Variants in CCDC102B observed in about 807,000 individuals in gnomAD.
CCDC102B encodes coiled-coil domain containing 102B.
In CCDC102B, 75 loss-of-function variants were observed where a neutral mutation model predicts 57.4. That is an observed-to-expected ratio of 1.31 (90% CI 1.08 to 1.58). The LOEUF (loss-of-function observed/expected upper bound fraction) is 1.58. Ranked by LOEUF, CCDC102B falls within the 40% of genes most tolerant of loss-of-function variation. CCDC102B has a pLI of 0.00. For missense variants in CCDC102B, 636 were observed against 582.6 expected (o/e 1.09, Z -0.94); for synonymous variants, 206 against 201.9 (o/e 1.02, Z -0.17).
Position 69,054,242 on chromosome 18 carries a change from T to A in CCDC102B, c.*105T>A. 1.4e-6 allele frequency: 2 copies of A among 1,380,374 alleles called. No homozygotes were observed. Among genetic ancestry groups the A allele is most frequent in the Middle Eastern group, 2.6e-4 (1 of 3,912 alleles). 85.5% of individuals were successfully genotyped at this position (1,380,374 alleles called of 1,614,324 possible). A position where few individuals can be genotyped will look rare whatever the true frequency, so the allele number is the denominator to read the frequency against. ...TGTTTTTATTAACTAGAAATATTAA[T>A]GAAAAAAACGTAGACAATACACAAA... On this transcript the variant is annotated 3_prime_UTR_variant, in exon 8 of 8. Coordinates refer to ENST00000360242, the MANE Select transcript of CCDC102B (RefSeq NM_024781.3).
At chr18:68,896,892 C>T (rs2040261585) in intron 5 of CCDC102B, among the ~76,000 whole-genome samples, 1 of 151,956 alleles carries the variant, frequency 6.6e-6, no homozygotes, top group Non-Finnish European at 1.5e-5. Context: ...GTCTTCTCCA[C>T]TGAGAATGTT....
chr18:68,837,389 A>T lies in CCDC102B; in HGVS notation c.606+20A>T, dbSNP rs377703135. On this transcript the variant is annotated intron_variant, in intron 2 of 7. Transcript: ENST00000360242. ...AATAAGGTAAGAAAAAAATCCAGAG[A>T]TGATGTGAATTTCTGAAGGTCATAT... 2.8e-5 allele frequency: 45 copies of T among 1,589,586 alleles called. No individual in the cohort carries two copies. The highest frequency in any genetic ancestry group is 1.8e-4 in the Middle Eastern group (1 of 5,694).
chr18:68,921,673 G>T (rs1040177350), intron 6 of CCDC102B, among the ~76,000 whole-genome samples: 1 of 152,142 alleles, frequency 6.6e-6, no homozygotes, highest in African/African-American at 2.4e-5. Flanking sequence ...TTTCAGGCAG[G>T]CTCTAAGAGC....
At chr18:68,817,008 G>A (rs1426267419) in intron 1 of CCDC102B, among the ~76,000 whole-genome samples, 2 of 152,222 alleles carry the variant, frequency 1.3e-5, no homozygotes, top group Non-Finnish European at 2.9e-5. Context: ...AAAACAGTGA[G>A]TTGTGTTCAA....
At chr18:68,959,619 C>G (rs967244157) in intron 6 of CCDC102B, among the ~76,000 whole-genome samples, 21 of 152,200 alleles carry the variant, frequency 1.4e-4, no homozygotes, top group Non-Finnish European at 5.9e-5. Context: ...CTCAGCAGGT[C>G]TAGAGATGCT....
chr18:68,879,424 TG>T (rs2039591113), intron 5 of CCDC102B, among the ~76,000 whole-genome samples: 1 of 152,192 alleles, frequency 6.6e-6, no homozygotes, highest in Non-Finnish European at 1.5e-5. Context: ...TTCTTTTATC[TG>T]GCCCCACCCA....
intron 2 of CCDC102B, among the ~76,000 whole-genome samples, chr18:68,765,293 AAAGGAAGG>A (rs149557152): frequency 0.015 from 1,580 of 104,058 alleles, 40 homozygotes; most frequent in African/African-American, 0.033. Flanking sequence ...GAAAAGAAAG[AAAGGAAGG>A]AAGGAAGGAA....
intron 6 of CCDC102B, among the ~76,000 whole-genome samples, chr18:68,988,584 A>G (rs2050785080): frequency 6.6e-6 from 1 of 152,204 alleles, no homozygotes; most frequent in African/African-American, 2.4e-5. Flanking sequence ...AAGGAAAAAA[A>G]AGAATTACTC....
chr18:69,021,405 CACAG>C (rs1315426819), intron 7 of CCDC102B, among the ~76,000 whole-genome samples: 1 of 152,130 alleles, frequency 6.6e-6, no homozygotes, highest in African/African-American at 2.4e-5. Flanking sequence ...CACATGGGGA[CACAG>C]ACAGTGACAG....
At chr18:68,832,376 G>A (rs866895658) in intron 1 of CCDC102B, among the ~76,000 whole-genome samples, 1 of 152,154 alleles carries the variant, frequency 6.6e-6, no homozygotes, top group Non-Finnish European at 1.5e-5. Context: ...AGTTGTGATT[G>A]TTAGTTTGGT....
At chr18:68,891,896 G>T (rs2040091601) in intron 5 of CCDC102B, among the ~76,000 whole-genome samples, 1 of 152,080 alleles carries the variant, frequency 6.6e-6, no homozygotes, top group African/African-American at 2.4e-5. Flanking sequence ...AAATATTGGG[G>T]GGTACACAAT....
intron 4 of CCDC102B, among the ~76,000 whole-genome samples, chr18:68,870,406 C>T (rs904806923): frequency 1.3e-5 from 2 of 152,086 alleles, no homozygotes; most frequent in African/African-American, 4.8e-5. Context: ...TGATCTCCCA[C>T]GCTCCCTCAT....
In CCDC102B at chr18:69,001,238, T is replaced by A. The variant is rs569724862; in HGVS notation, c.1264-9696T>A. ...TAGGAAATATTGTCGTCTTTTCCCATGCTGTTAGCTGCTTTGTGTACCTCT... is the reference window on the plus strand; with the variant it reads ...TAGGAAATATTGTCGTCTTTTCCCAAGCTGTTAGCTGCTTTGTGTACCTCT... On this transcript the variant is annotated intron_variant, in intron 6 of 7. Coordinates refer to ENST00000360242, the MANE Select transcript of CCDC102B (RefSeq NM_024781.3). Among the ~76,000 whole-genome samples the A allele has an allele frequency of 2.6e-5, 4 of 152,342 alleles. No homozygotes were observed. In the East Asian group the frequency reaches 7.7e-4, roughly 29 times the overall value.
At chr18:68,880,484 A>T (rs1437980343) in intron 5 of CCDC102B, among the ~76,000 whole-genome samples, 1 of 152,218 alleles carries the variant, frequency 6.6e-6, no homozygotes, top group Non-Finnish European at 1.5e-5. Context: ...AGTGCCGCCA[A>T]AGTGGGAGCC....
At chr18:68,785,041 T>C (rs944358846) in intron 2 of CCDC102B, among the ~76,000 whole-genome samples, 4 of 141,556 alleles carry the variant, frequency 2.8e-5, no homozygotes, top group African/African-American at 7.9e-5. Context: ...TGTGATTTCA[T>C]TGTTCAATTC....
intron 1 of CCDC102B, among the ~76,000 whole-genome samples, chr18:68,810,680 G>GTTTTTTTTTTT (rs61714863): frequency 4.4e-4 from 34 of 77,046 alleles, no homozygotes; most frequent in Non-Finnish European, 7.0e-4. Flanking sequence ...TCTTTTCTTT[G>GTTTTTTTTTTT]TTTTTTTTTT....
Position 68,998,599 on chromosome 18 carries a change from A to AC in CCDC102B, c.1264-12335_1264-12334insC, listed in dbSNP as rs369254444. ...GTCCGAGTACCAAAACCCCCAAAGT[A>AC]GGGAAGCCAACAGTTCAGCTTTCAG... On this transcript the variant is annotated intron_variant, in intron 6 of 7. Transcript: ENST00000360242. Among the ~76,000 whole-genome samples the AC allele has an allele frequency of 2.2e-3, 16 of 7,270 alleles. No individual in the cohort carries two copies. The South Asian group carries it at 0.35, about 160-fold the overall frequency. The allele number at this position is 7,270 out of a possible 152,430, so 4.8% of individuals were successfully genotyped here.
intron 2 of CCDC102B, among the ~76,000 whole-genome samples, chr18:68,767,051 T>C (rs962035442): frequency 6.6e-6 from 1 of 152,202 alleles, no homozygotes; most frequent in South Asian, 2.1e-4. Context: ...AAATGTAATA[T>C]GCTCCTTGAA....
chr18:68,810,443 A>C (rs1348261509), intron 1 of CCDC102B, among the ~76,000 whole-genome samples: 1 of 152,210 alleles, frequency 6.6e-6, no homozygotes, highest in African/African-American at 2.4e-5. Flanking sequence ...CCAATGTATT[A>C]GTTTACAATA....
Sources: gnomAD v4.1 joint callset for allele counts (sites outside exome capture counted in the v4.1 genomes callset) on GRCh38, gnomAD v4.1.1 for gene constraint, MANE v1.5 for transcripts, NCBI Gene and HGNC (gene_info 2026-07-23, HGNC 2026-07-21) for gene names.